PKP2: variants seen among roughly 807,000 people sequenced by gnomAD.
The protein encoded by PKP2 is plakophilin-2.
Under a neutral mutation model 83.4 loss-of-function variants are expected in PKP2, and 73 were observed. That is an observed-to-expected ratio of 0.88 (90% CI 0.72 to 1.06). The LOEUF is 1.06. Among genes scored for constraint, PKP2 ranks in the 50% least tolerant of loss-of-function variants. PKP2 has a pLI of 0.00. For synonymous variants in PKP2, 409 were observed against 430.4 expected, an observed-to-expected ratio of 0.95 and a Z score of 0.62; for missense variants, 966 against 1,065.4, an observed-to-expected ratio of 0.91 and a Z score of 1.30.
chr12:32,799,554 G>A (rs1295762231), intron 10 of PKP2, among the ~76,000 whole-genome samples: 1 of 152,118 alleles, frequency 6.6e-6, no homozygotes, highest in Non-Finnish European at 1.5e-5. Context: ...CAACCAACGA[G>A]TGGATACAGG....
chr12:32,891,035 T>C (rs1384092552), intron 1 of PKP2, among the ~76,000 whole-genome samples: 1 of 152,054 alleles, frequency 6.6e-6, no homozygotes, highest in African/African-American at 2.4e-5. Flanking sequence ...GTTTGTTTAG[T>C]AGTCTTACTC....
At chr12:32,831,829 T>C (rs1411919867) in intron 6 of PKP2, among the ~76,000 whole-genome samples, 3 of 152,172 alleles carry the variant, frequency 2.0e-5, no homozygotes, top group Non-Finnish European at 4.4e-5. Context: ...GGTGGTCAAC[T>C]GGTTGTAGAT....
At chr12:32,891,728 A>C (rs1254837430) in intron 1 of PKP2, among the ~76,000 whole-genome samples, 1 of 152,170 alleles carries the variant, frequency 6.6e-6, no homozygotes, top group Non-Finnish European at 1.5e-5. Flanking sequence ...ATATAGAACA[A>C]TGTACTTTCA....
At chr12:32,825,171 T>C (rs1296659379) in intron 6 of PKP2, among the ~76,000 whole-genome samples, 32 of 140,672 alleles carry the variant, frequency 2.3e-4, no homozygotes, top group African/African-American at 7.7e-4. Context: ...TCTTTTTTTT[T>C]TTTTTTTTTT....
At chr12:32,795,852 C>A (rs560524894) in intron 11 of PKP2, among the ~76,000 whole-genome samples, 4 of 152,340 alleles carry the variant, frequency 2.6e-5, no homozygotes, top group African/African-American at 7.2e-5. Flanking sequence ...TGCTGGAATG[C>A]ACAACCAAGA....
At chr12:32,807,237 T>C (rs1956233878) in intron 9 of PKP2, among the ~76,000 whole-genome samples, 1 of 152,126 alleles carries the variant, frequency 6.6e-6, no homozygotes, top group African/African-American at 2.4e-5. Context: ...GATCCAGAGC[T>C]GAGTTAACTC....
In PKP2 at chr12:32,821,877, C is replaced by T. The variant is rs1592737536; in HGVS notation, c.1840-348G>A. Reference sequence around the variant, plus strand: ...CACCCTGTAGATAAGAAAAACAGGCCTGTTCCCTCAGAGTCTTGTGAAAGT... The same window carrying T: ...CACCCTGTAGATAAGAAAAACAGGCTTGTTCCCTCAGAGTCTTGTGAAAGT... On this transcript the variant is annotated intron_variant, in intron 8 of 12. Coordinates refer to ENST00000340811, the MANE Select transcript of PKP2 (RefSeq NM_001005242.3). 3 of 309,422 alleles carry T rather than the reference C, an allele frequency of 9.7e-6. No individual in the cohort carries two copies. The South Asian group carries it at 9.7e-5, about 10-fold the overall frequency. The allele number at this position is 309,422 out of a possible 1,614,324, so 19.2% of individuals were successfully genotyped here. A position where few individuals can be genotyped will look rare whatever the true frequency, so the allele number is the denominator to read the frequency against.
In PKP2 at chr12:32,792,225, A is replaced by G. The variant is rs1437882637; in HGVS notation, c.*199T>C. 6.4e-6 allele frequency: 4 copies of G among 622,954 alleles called. No homozygotes were observed. The highest frequency in any genetic ancestry group is 1.2e-5 in the Non-Finnish European group (4 of 345,380). 38.6% of individuals were successfully genotyped at this position (622,954 alleles called of 1,614,324 possible). A position where few individuals can be genotyped will look rare whatever the true frequency, so the allele number is the denominator to read the frequency against. ...ACTATTTGTCGAGCCTGTGGCCGGT[A>G]TCTACTGGTGGCAAACTTGCAAAGG... On this transcript the variant is annotated 3_prime_UTR_variant, in exon 13 of 13. Transcript: ENST00000340811.
In PKP2 at chr12:32,896,655, T is replaced by C. The variant is rs772042931; in HGVS notation, c.77A>G (p.Asp26Gly). ...VLGQQILGQL[D>G]SSSLALPSEA... ...GGAGGGCAGCGCCAGGCTGGAGCTG[T>C]CCAGTTGTCCCAGGATCTGCTGGCC... The change falls in exon 1 of 13, where the codon GAC becomes GGC. Residue 26 changes from aspartate to glycine, a missense_variant. Physicochemically the swap from Asp to Gly is moderately conservative, Grantham distance 94. Coordinates refer to ENST00000340811, the MANE Select transcript of PKP2 (RefSeq NM_001005242.3). 1.3e-6 allele frequency: 2 copies of C among 1,565,140 alleles called. No individual in the cohort carries two copies. Among genetic ancestry groups the C allele is most frequent in the Non-Finnish European group, 1.7e-6 (2 of 1,164,802 alleles).
chr12:32,821,288 T>C (rs1174770308), intron 9 of PKP2, 68 bp downstream of exon 9: 1 of 1,345,638 alleles, frequency 7.4e-7, no homozygotes. Context: ...GTTTCATCTC[T>C]GAATTGAATG....
Position 32,878,215 on chromosome 12 carries a change from T to C in PKP2, c.665A>G (p.Gln222Arg). ...RHFDTYHRQY[Q>R]HGSVSDTVFD... is the part of the protein sequence containing the mutation. ...AACGGTGTCGCTAACAGAGCCATGC[T>C]GGTACTGTCTGTGGTATGTGTCAAA... is the stretch of plus-strand genomic sequence containing the variant. Residue 222 changes from glutamine to arginine, a missense_variant, in exon 3 of 13, where the codon CAG (glutamine) becomes CGG (arginine). Gln to Arg is a conservative substitution (Grantham distance 43). Transcript: ENST00000340811. The C allele has an allele frequency of 1.2e-6, 2 of 1,614,162 alleles. No homozygotes were observed. Among genetic ancestry groups the C allele is most frequent in the Non-Finnish European group, 1.7e-6 (2 of 1,180,040 alleles).
intron 3 of PKP2, among the ~76,000 whole-genome samples, chr12:32,873,975 T>C (rs17621317): frequency 0.019 from 2,885 of 152,322 alleles, 40 homozygotes; most frequent in South Asian, 0.036. Flanking sequence ...CTTAAAAACC[T>C]TTTTCATCAG....
rs149715391 is a variant in PKP2, at chr12:32,866,223, A to G, written c.1170+2704T>C. Among the ~76,000 whole-genome samples, 61 of 152,308 alleles carry G rather than the reference A, an allele frequency of 4.0e-4. 1 individual carries two copies. In the East Asian group the frequency reaches 0.012, roughly 29 times the overall value. On this transcript the variant is annotated intron_variant, in intron 4 of 12. Coordinates refer to ENST00000340811, the MANE Select transcript of PKP2 (RefSeq NM_001005242.3). ...GGCAAAAGAATTGAATACACATTTC[A>G]CTAAAGAAGATATGTAAGTGGCAAA...
rs372827156 is a variant in PKP2, at chr12:32,850,907, G to A, written c.1237C>T (p.Arg413Ter). ...LLKVQNEDVQ[R>*]AVCGALRNLV... is the part of the protein sequence containing the mutation. ...TTTCTCAAGGCCCCACACACAGCTC[G>A]CTGAACGTCTTCATTCTGAACTTTT... The change falls in exon 5 of 13, where the codon CGA (arginine) becomes TGA (stop). Residue 413 changes from arginine to a stop codon, truncating the protein, a stop_gained. Coordinates refer to ENST00000340811, the MANE Select transcript of PKP2 (RefSeq NM_001005242.3). LOFTEE classifies it high-confidence loss of function. 1.5e-5 allele frequency: 24 copies of A among 1,613,952 alleles called. No homozygotes were observed. Among genetic ancestry groups the A allele is most frequent in the African/African-American group, 6.7e-5 (5 of 74,910 alleles).
intron 3 of PKP2, among the ~76,000 whole-genome samples, chr12:32,872,489 G>A (rs938956312): frequency 1.3e-5 from 2 of 152,120 alleles, no homozygotes; most frequent in Non-Finnish European, 2.9e-5. Context: ...AGCCGAGATC[G>A]TGCCATTGCA....
At chr12:32,826,018 A>T (rs1323519705) in intron 6 of PKP2, among the ~76,000 whole-genome samples, 1 of 152,170 alleles carries the variant, frequency 6.6e-6, no homozygotes, top group Non-Finnish European at 1.5e-5. Context: ...TCAAGAACTA[A>T]AGGTGGCTGG....
chr12:32,796,284 GGA>G lies in PKP2; in HGVS notation c.2180_2181del (p.Leu727ProfsTer2), dbSNP rs1064794350. 8 of 1,612,630 alleles carry G rather than the reference GGA, an allele frequency of 5.0e-6. No individual in the cohort carries two copies. Among genetic ancestry groups the G allele is most frequent in the Admixed American group, 1.7e-5 (1 of 59,960 alleles). On this transcript the variant is annotated frameshift_variant, in exon 11 of 13. Transcript: ENST00000340811. LOFTEE classifies it high-confidence loss of function. ...TCAGGAATGATGGAAACCAAATCAG[GGA>G]GAGTTTCTTTGGCTACAAAATGAAA... ...SLQNEIAKET[L>X]PDLVSIIPDT...
chr12:32,833,334 C>T (rs1174976406), intron 6 of PKP2, among the ~76,000 whole-genome samples: 1 of 152,224 alleles, frequency 6.6e-6, no homozygotes, highest in Non-Finnish European at 1.5e-5. Flanking sequence ...AGTTTGGTAC[C>T]AAGATACGCA....
At position 32,887,650 on chromosome 12, in the gene PKP2, C is replaced by T. The variant is rs562684130; in HGVS notation, c.224-8618G>A. Among the ~76,000 whole-genome samples, 4 of 152,214 alleles carry T rather than the reference C, an allele frequency of 2.6e-5. No homozygotes were observed. In the South Asian group the frequency reaches 6.2e-4, roughly 24 times the overall value. On this transcript the variant is annotated intron_variant, in intron 1 of 12. Coordinates refer to ENST00000340811, the MANE Select transcript of PKP2 (RefSeq NM_001005242.3). ...TATTTTTAGTAGAGATGGGGTTTTG[C>T]CATGTTGGCCAGGCTGGCCTCAAAC... is the stretch of plus-strand genomic sequence containing the variant.
Sources: allele counts gnomAD v4.1 joint callset (sites outside exome capture counted in the v4.1 genomes callset), GRCh38; gene constraint gnomAD v4.1.1; transcripts MANE v1.5; gene names NCBI Gene and HGNC (gene_info 2026-07-23, HGNC 2026-07-21).